The following GNG7 variants were observed in gnomAD, a reference collection of about 807,000 sequenced individuals.
The protein encoded by GNG7 is guanine nucleotide-binding protein G(I)/G(S)/G(O) subunit gamma-7.
Under a neutral mutation model 4.0 loss-of-function variants are expected in GNG7, and 1 was observed. The ratio of observed to expected loss-of-function variants is 0.25; its 90% CI spans 0.09 to 1.18. The LOEUF (loss-of-function observed/expected upper bound fraction) is 1.18. Among genes scored for constraint, GNG7 ranks in the 50% most tolerant of loss-of-function variants. GNG7 has a pLI of 0.50. For synonymous variants in GNG7, 34 were observed against 36.9 expected (o/e 0.92, Z 0.29); for missense variants, 86 against 91.9 (o/e 0.94, Z 0.26).
intron 4 of GNG7, 148 bp from the exon 5 acceptor site, chr19:2,515,295 A>G (rs1452822140): frequency 1.1e-6 from 1 of 882,158 alleles, no homozygotes; most frequent in African/African-American, 1.7e-5. Context: ...CGGCCCGTCC[A>G]CACGCTGGAA....
intron 2 of GNG7, among the ~76,000 whole-genome samples, chr19:2,589,371 CT>C (rs33940288): frequency 0.45 from 44,964 of 100,202 alleles, 10,671 homozygotes; most frequent in Middle Eastern, 0.61. Flanking sequence ...TACAGGTGCA[CT>C]TTTTTTTTTT....
chr19:2,676,286 G>A lies in GNG7; in HGVS notation c.-135+26360C>T, dbSNP rs142399696. ...CAGGTTGAAGTCATTTTCCATGGGC[G>A]CCCTCAAATATCCAAACTTCACCCC... On this transcript the variant is annotated intron_variant, in intron 1 of 4. Coordinates refer to ENST00000382159, the MANE Select transcript of GNG7 (RefSeq NM_052847.3). 3.8e-3 allele frequency among the ~76,000 whole-genome samples: 578 copies of A among 152,222 alleles called. 5 individuals carry two copies. The highest frequency in any genetic ancestry group is 0.012 in the African/African-American group (514 of 41,526).
At chr19:2,665,360 C>CT (rs1354359245) in intron 1 of GNG7, among the ~76,000 whole-genome samples, 1 of 92,010 alleles carries the variant, frequency 1.1e-5, no homozygotes, top group Non-Finnish European at 2.3e-5. Context: ...CCAGTGTCCC[C>CT]TGGGGGGGGG....
intron 3 of GNG7, among the ~76,000 whole-genome samples, chr19:2,530,059 T>C (rs1369176448): frequency 6.6e-6 from 1 of 152,246 alleles, no homozygotes; most frequent in Non-Finnish European, 1.5e-5. Flanking sequence ...AGATTTTGGC[T>C]TGCACAATGG....
intron 2 of GNG7, among the ~76,000 whole-genome samples, chr19:2,588,362 A>G (rs1339962692): frequency 6.6e-6 from 1 of 152,224 alleles, no homozygotes; most frequent in Non-Finnish European, 1.5e-5. Context: ...AAAAGTCACA[A>G]TGAGATAAAC....
At chr19:2,602,271 A>G (rs4806868) in intron 2 of GNG7, among the ~76,000 whole-genome samples, 11,137 of 152,226 alleles carry the variant, frequency 0.073, 953 homozygotes, top group East Asian at 0.33. Flanking sequence ...CGGGAGGCAG[A>G]GGTTGCAGTG....
chr19:2,522,258 C>T (rs1035751247), intron 3 of GNG7, among the ~76,000 whole-genome samples: 1 of 152,062 alleles, frequency 6.6e-6, no homozygotes, highest in African/African-American at 2.4e-5. Flanking sequence ...CTTCGTAGGA[C>T]CCAGTGAGGG....
intron 2 of GNG7, among the ~76,000 whole-genome samples, chr19:2,606,317 A>T (rs1356246502): frequency 6.6e-6 from 1 of 152,008 alleles, no homozygotes; most frequent in African/African-American, 2.4e-5. Flanking sequence ...GGCTACAGTG[A>T]GCCGAGATTG....
At chr19:2,526,129 C>A (rs1978388353) in intron 3 of GNG7, among the ~76,000 whole-genome samples, 1 of 152,052 alleles carries the variant, frequency 6.6e-6, no homozygotes, top group Non-Finnish European at 1.5e-5. Context: ...CGCCACCACG[C>A]CTGGCTAATT....
At chr19:2,588,747 C>T (rs753552062) in intron 2 of GNG7, among the ~76,000 whole-genome samples, 4 of 152,182 alleles carry the variant, frequency 2.6e-5, no homozygotes, top group Non-Finnish European at 5.9e-5. Context: ...GTCCTCAGAC[C>T]CAGCAAACCC....
chr19:2,541,865 G>A (rs1181396828), intron 3 of GNG7, among the ~76,000 whole-genome samples: 1 of 152,032 alleles, frequency 6.6e-6, no homozygotes, highest in African/African-American at 2.4e-5. Flanking sequence ...CAGTGAGCTA[G>A]GGTTTCACCA....
intron 2 of GNG7, among the ~76,000 whole-genome samples, chr19:2,575,730 GGCACAC>G (rs1175120863): frequency 1.4e-5 from 1 of 71,378 alleles, no homozygotes; most frequent in Non-Finnish European, 2.4e-5. Flanking sequence ...CAGACACGCA[GGCACAC>G]GCACACGCAG....
intron 1 of GNG7, among the ~76,000 whole-genome samples, chr19:2,663,325 T>C (rs1302711829): frequency 6.6e-6 from 1 of 151,772 alleles, no homozygotes; most frequent in Admixed American, 6.6e-5. Flanking sequence ...TCTCTCTCCC[T>C]CTCACCCTTT....
intron 2 of GNG7, among the ~76,000 whole-genome samples, chr19:2,574,685 G>T (rs2144784307): frequency 6.6e-6 from 1 of 152,332 alleles, no homozygotes; most frequent in African/African-American, 2.4e-5. Context: ...CTGTGCACTT[G>T]TGTGTGCAAA....
intron 2 of GNG7, chr19:2,643,336 GCC>G (rs1982570874): frequency 2.3e-6 from 1 of 428,254 alleles, no homozygotes. Flanking sequence ...ACACCTTCCG[GCC>G]CGGCTCCGTC....
chr19:2,590,240 TA>T (rs1310796134), intron 2 of GNG7, among the ~76,000 whole-genome samples: 2 of 152,102 alleles, frequency 1.3e-5, no homozygotes, highest in African/African-American at 4.8e-5. Flanking sequence ...AAAGTACCAT[TA>T]AAAAACAAAA....
chr19:2,690,560 G>A (rs557518378), intron 1 of GNG7, among the ~76,000 whole-genome samples: 2 of 152,050 alleles, frequency 1.3e-5, no homozygotes, highest in South Asian at 2.1e-4. Flanking sequence ...ACAAATCCAT[G>A]TGAGTTTTTC....
intron 1 of GNG7, among the ~76,000 whole-genome samples, chr19:2,689,546 C>A (rs982394629): frequency 1.3e-4 from 18 of 139,162 alleles, no homozygotes; most frequent in African/African-American, 4.8e-4. Flanking sequence ...TCACTTGAAC[C>A]TGGGAGGCGG....
intron 2 of GNG7, among the ~76,000 whole-genome samples, chr19:2,598,353 A>G (rs1390691343): frequency 2.6e-5 from 4 of 151,530 alleles, no homozygotes; most frequent in African/African-American, 9.7e-5. Flanking sequence ...GTGAAACCAC[A>G]TCTCTACTGA....
Sources: gnomAD v4.1 joint callset for allele counts (sites outside exome capture counted in the v4.1 genomes callset) on GRCh38, gnomAD v4.1.1 for gene constraint, MANE v1.5 for transcripts, NCBI Gene and HGNC (gene_info 2026-07-23, HGNC 2026-07-21) for gene names.